The following DSCAM variants were observed in gnomAD, a reference collection of about 807,000 sequenced individuals.
The protein encoded by DSCAM is DS cell adhesion molecule, also known as cell adhesion molecule DSCAM.
Under a neutral mutation model 217.7 loss-of-function variants are expected in DSCAM, and 47 were observed. The ratio of observed to expected loss-of-function variants is 0.22; its 90% CI spans 0.17 to 0.28. The LOEUF (loss-of-function observed/expected upper bound fraction) is 0.28. DSCAM is among the 10% of genes least tolerant of loss of function. The pLI is 1.00. For missense variants in DSCAM, 2,080 were observed against 2,618.3 expected (o/e 0.79, Z 4.49); for synonymous variants, 1,056 against 1,015.3 (o/e 1.04, Z -0.76).
At chr21:40,691,428 C>T (rs1349908027) in intron 3 of DSCAM, among the ~76,000 whole-genome samples, 1 of 152,194 alleles carries the variant, frequency 6.6e-6, no homozygotes, top group Admixed American at 6.5e-5. Context: ...TACTCCCTTG[C>T]CATATAAATT....
intron 3 of DSCAM, among the ~76,000 whole-genome samples, chr21:40,629,226 G>A (rs772440360): frequency 4.6e-5 from 7 of 152,054 alleles, no homozygotes; most frequent in Non-Finnish European, 8.8e-5. Flanking sequence ...TGAGAGTCAT[G>A]GGTCAAACCA....
intron 1 of DSCAM, among the ~76,000 whole-genome samples, chr21:40,714,010 TACTAA>T: frequency 6.6e-6 from 1 of 152,290 alleles, no homozygotes; most frequent in African/African-American, 2.4e-5. Context: ...CTCTGGAAGG[TACTAA>T]TCATAAACTT....
At chr21:40,465,567 G>A (rs907964097) in intron 3 of DSCAM, among the ~76,000 whole-genome samples, 17 of 152,158 alleles carry the variant, frequency 1.1e-4, no homozygotes, top group Admixed American at 4.6e-4. Context: ...TGTCCCACCC[G>A]TGGCGTGCAG....
intron 11 of DSCAM, among the ~76,000 whole-genome samples, chr21:40,239,865 A>G (rs2073124816): frequency 6.6e-6 from 1 of 152,184 alleles, no homozygotes; most frequent in Non-Finnish European, 1.5e-5. Flanking sequence ...AATGTATTCC[A>G]TGCTTGTCTA....
At chr21:40,249,323 A>G (rs1279197262) in intron 11 of DSCAM, among the ~76,000 whole-genome samples, 2 of 152,126 alleles carry the variant, frequency 1.3e-5, no homozygotes, top group Non-Finnish European at 2.9e-5. Flanking sequence ...TTTCCCCGAT[A>G]CTGTTCTCAT....
intron 11 of DSCAM, among the ~76,000 whole-genome samples, chr21:40,265,344 T>A (rs2073510861): frequency 6.6e-6 from 1 of 151,818 alleles, no homozygotes; most frequent in South Asian, 2.1e-4. Context: ...CTGAAAGAAA[T>A]CATAGATGAC....
At chr21:40,420,737 C>A (rs1462386549) in intron 3 of DSCAM, among the ~76,000 whole-genome samples, 1 of 152,158 alleles carries the variant, frequency 6.6e-6, no homozygotes, top group Admixed American at 6.5e-5. Context: ...AACGGACATA[C>A]AAGAATGCCA....
rs968238291 is a variant in DSCAM at position 40,364,717 on chromosome 21, G to C, written c.655+4382C>G. ...ATATATATATATATATACACACACA[G>C]TAGTATATATACATATATATATATA... On this transcript the variant is annotated intron_variant, in intron 4 of 32. Transcript: ENST00000400454. 1.4e-4 allele frequency among the ~76,000 whole-genome samples: 19 copies of C among 139,882 alleles called. 1 individual carries two copies. Among genetic ancestry groups the C allele is most frequent in the Admixed American group, 1.3e-3 (18 of 13,980 alleles). The allele number at this position is 139,882 out of a possible 152,430, so 91.8% of individuals were successfully genotyped here.
At chr21:40,178,518 G>A (rs2090758106) in intron 15 of DSCAM, among the ~76,000 whole-genome samples, 1 of 152,176 alleles carries the variant, frequency 6.6e-6, no homozygotes, top group South Asian at 2.1e-4. Flanking sequence ...AAGCATGCTT[G>A]CAGATTCCTA....
At chr21:40,136,091 A>T (rs1472492857) in intron 18 of DSCAM, among the ~76,000 whole-genome samples, 2 of 152,122 alleles carry the variant, frequency 1.3e-5, no homozygotes, top group Non-Finnish European at 2.9e-5. Flanking sequence ...TCTTCTAGGG[A>T]GGCCAGCAGG....
intron 20 of DSCAM, among the ~76,000 whole-genome samples, chr21:40,101,652 C>T (rs1601330653): frequency 6.6e-6 from 1 of 152,014 alleles, no homozygotes; most frequent in African/African-American, 2.4e-5. Flanking sequence ...CCACAGTGTT[C>T]TTAGGGGAAG....
chr21:40,665,246 C>G (rs148254299), intron 3 of DSCAM, among the ~76,000 whole-genome samples: 1 of 152,286 alleles, frequency 6.6e-6, no homozygotes, highest in African/African-American at 2.4e-5. Context: ...TCAAAAGCAG[C>G]CTTCTGGGTG....
intron 1 of DSCAM, among the ~76,000 whole-genome samples, chr21:40,727,899 C>A (rs979646755): frequency 1.3e-5 from 2 of 152,172 alleles, no homozygotes; most frequent in Non-Finnish European, 2.9e-5. Flanking sequence ...GCCACACTGG[C>A]CTCCTTGTCG....
intron 3 of DSCAM, among the ~76,000 whole-genome samples, chr21:40,581,633 T>G (rs1178913216): frequency 2.0e-5 from 3 of 152,160 alleles, no homozygotes; most frequent in Non-Finnish European, 2.9e-5. Context: ...TTTTCTTCAC[T>G]CTTTCCAAAA....
At chr21:40,069,350 T>G (rs1466683724) in intron 27 of DSCAM, among the ~76,000 whole-genome samples, 1 of 152,070 alleles carries the variant, frequency 6.6e-6, no homozygotes, top group Non-Finnish European at 1.5e-5. Context: ...TGTGTTCTGT[T>G]TATAGACCAC....
chr21:40,472,718 G>C (rs1406281838), intron 3 of DSCAM, among the ~76,000 whole-genome samples: 1 of 151,888 alleles, frequency 6.6e-6, no homozygotes, highest in East Asian at 1.9e-4. Context: ...TAAATGGTTT[G>C]TGTGTTTAAA....
chr21:40,060,222 T>G (rs977837957), intron 28 of DSCAM, among the ~76,000 whole-genome samples: 1 of 152,192 alleles, frequency 6.6e-6, no homozygotes, highest in Admixed American at 6.5e-5. Flanking sequence ...AGACCATAAT[T>G]AATTCCTCCT....
chr21:40,462,215 C>T (rs2075811643), intron 3 of DSCAM, among the ~76,000 whole-genome samples: 1 of 152,176 alleles, frequency 6.6e-6, no homozygotes, highest in Non-Finnish European at 1.5e-5. Context: ...ATACCACCCA[C>T]AAACAGGAAC....
rs1370395429 is a variant in DSCAM at position 40,358,144 on chromosome 21, T to C, written c.656-4401A>G. ...AATCCCACAATCTCTGAAAATGAAATGCACCAACTTCTAATGCTATTCATA... is the reference window on the plus strand; with the variant it reads ...AATCCCACAATCTCTGAAAATGAAACGCACCAACTTCTAATGCTATTCATA... On this transcript the variant is annotated intron_variant, in intron 4 of 32. Coordinates refer to ENST00000400454, the MANE Select transcript of DSCAM (RefSeq NM_001389.5). Among the ~76,000 whole-genome samples the C allele has an allele frequency of 4.6e-5, 7 of 152,186 alleles. No individual in the cohort carries two copies. In the East Asian group the frequency reaches 9.7e-4, roughly 21 times the overall value.
Sources: gnomAD v4.1 joint callset for allele counts (sites outside exome capture counted in the v4.1 genomes callset) on GRCh38, gnomAD v4.1.1 for gene constraint, MANE v1.5 for transcripts, NCBI Gene and HGNC (gene_info 2026-07-23, HGNC 2026-07-21) for gene names.